The following DTHD1 variants were observed in gnomAD, a reference collection of about 807,000 sequenced individuals.
The protein encoded by DTHD1 is death domain containing 1, also known as death domain-containing protein 1.
A neutral mutation model predicts 74.8 loss-of-function variants in DTHD1; 59 were observed. The observed-to-expected ratio is 0.79, with a 90% confidence interval of 0.64 to 0.98. The LOEUF (loss-of-function observed/expected upper bound fraction) is 0.98, where lower values mean the gene tolerates loss of function less well. Ranked by LOEUF, DTHD1 falls within the 50% of genes least tolerant of loss-of-function variation. The probability of loss-of-function intolerance (pLI) is 0.00; values close to 1 mark genes in which losing one functional copy is unlikely to be tolerated. For missense variants in DTHD1, 1,051 were observed against 1,065.4 expected (o/e 0.99, Z 0.19); for synonymous variants, 365 against 371.1 (o/e 0.98, Z 0.19).
intron 8 of DTHD1, among the ~76,000 whole-genome samples, chr4:36,335,497 G>T (rs1259770927): frequency 6.6e-6 from 1 of 152,094 alleles, no homozygotes; most frequent in Non-Finnish European, 1.5e-5. Flanking sequence ...AAGGTGCTGG[G>T]ATTATAAGCA....
At chr4:36,291,997 T>A (rs1379206353) in intron 3 of DTHD1, among the ~76,000 whole-genome samples, 1 of 152,184 alleles carries the variant, frequency 6.6e-6, no homozygotes, top group Non-Finnish European at 1.5e-5. Flanking sequence ...AAAAAATTCA[T>A]ATATACATGG....
intron 8 of DTHD1, among the ~76,000 whole-genome samples, chr4:36,329,725 A>G (rs939201442): frequency 1.3e-5 from 2 of 152,216 alleles, no homozygotes; most frequent in Non-Finnish European, 2.9e-5. Context: ...CGAAACAGTG[A>G]AACAATGTTC....
At chr4:36,297,251 C>A (rs543607922) in intron 5 of DTHD1, among the ~76,000 whole-genome samples, 1 of 152,162 alleles carries the variant, frequency 6.6e-6, no homozygotes, top group African/African-American at 2.4e-5. Flanking sequence ...TGTTCAAGGG[C>A]CAACTGTATT....
intron 8 of DTHD1, among the ~76,000 whole-genome samples, chr4:36,316,813 C>T (rs1449340496): frequency 6.6e-6 from 1 of 152,162 alleles, no homozygotes; most frequent in Non-Finnish European, 1.5e-5. Context: ...AAATACATTA[C>T]AGAGCACATC....
intron 7 of DTHD1, among the ~76,000 whole-genome samples, chr4:36,309,169 C>T (rs536636994): frequency 6.6e-6 from 1 of 152,346 alleles, no homozygotes; most frequent in East Asian, 1.9e-4. Context: ...GGGTGTGTGG[C>T]TCACGCCTGT....
chr4:36,307,961 T>C (rs1471926131), intron 6 of DTHD1, among the ~76,000 whole-genome samples: 3 of 152,186 alleles, frequency 2.0e-5, no homozygotes, highest in Admixed American at 6.5e-5. Flanking sequence ...CCACCCTCCA[T>C]GGCCTCCCAA....
At chr4:36,305,319 T>G (rs1756978360) in intron 5 of DTHD1, among the ~76,000 whole-genome samples, 1 of 152,162 alleles carries the variant, frequency 6.6e-6, no homozygotes, top group Non-Finnish European at 1.5e-5. Flanking sequence ...CACAGTTCCA[T>G]GTGGCTGGGG....
chr4:36,312,420 GAAGA>G (rs1333184136), intron 7 of DTHD1, among the ~76,000 whole-genome samples: 1 of 151,934 alleles, frequency 6.6e-6, no homozygotes, highest in Non-Finnish European at 1.5e-5. Context: ...AAAGTCTAAT[GAAGA>G]AAGACAGAGA....
intron 5 of DTHD1, 23 bp from the exon 6 acceptor site, chr4:36,306,168 T>G (rs1435716891): frequency 1.2e-5 from 19 of 1,536,084 alleles, no homozygotes; most frequent in Non-Finnish European, 1.7e-5. Flanking sequence ...TGTACCAATA[T>G]CTCTTCTGTT....
At position 36,284,266 on chromosome 4, in the gene DTHD1, T is replaced by A. The variant is rs1362183774; in HGVS notation, c.562T>A (p.Leu188Ile). The change falls in exon 2 of 10, where the codon TTA (leucine) becomes ATA (isoleucine). Residue 188 changes from leucine (L) to isoleucine (I), a missense_variant. By Grantham distance (5) the Leu-to-Ile change is conservative (BLOSUM62 2). Coordinates refer to ENST00000639862, the MANE Select transcript of DTHD1 (RefSeq NM_001170700.3). ...EKNKTHMSSA[L>I]VEKENNTSLN... ...AAATAAAACACATATGAGTTCAGCATTAGTGGAAAAAGAAAACAATACATC... is the reference window on the plus strand; with the variant it reads ...AAATAAAACACATATGAGTTCAGCAATAGTGGAAAAAGAAAACAATACATC... The A allele has an allele frequency of 1.8e-5, 27 of 1,537,092 alleles. No individual in the cohort carries two copies. The highest frequency in any genetic ancestry group is 1.7e-6 in the Non-Finnish European group (2 of 1,146,840).
chr4:36,309,032 A>T (rs1052390400), intron 7 of DTHD1, among the ~76,000 whole-genome samples: 3 of 152,180 alleles, frequency 2.0e-5, no homozygotes, highest in African/African-American at 7.2e-5. Flanking sequence ...TATTATTGCT[A>T]TATTTTTTAT....
chr4:36,282,854 G>A (rs1316467458), intron 1 of DTHD1, among the ~76,000 whole-genome samples: 1 of 152,162 alleles, frequency 6.6e-6, no homozygotes, highest in African/African-American at 2.4e-5. Flanking sequence ...GCCATCAGCT[G>A]CAGCCCACAA....
rs1304808677 is a variant in DTHD1, at chr4:36,293,679, A to C, written c.1372A>C (p.Thr458Pro). 16 of 1,537,732 alleles carry C rather than the reference A, an allele frequency of 1.0e-5. No individual in the cohort carries two copies. Among genetic ancestry groups the C allele is most frequent in the Non-Finnish European group, 1.4e-5 (16 of 1,138,010 alleles). ...CTTAAATTACCCTCCAGGAGTTTTT[A>C]CCTCTCCAGTGCTGGTGCAGTTAAA... ...ISLNYPPGVF[T>P]SPVLVQLKIQ... Residue 458 changes from threonine (T) to proline (P), a missense_variant, in exon 4 of 10, where the codon ACC (threonine) becomes CCC (proline). By Grantham distance (38) the Thr-to-Pro change is conservative (BLOSUM62 -1). Coordinates refer to ENST00000639862, the MANE Select transcript of DTHD1 (RefSeq NM_001170700.3).
chr4:36,312,439 G>A (rs1178564611), intron 7 of DTHD1, among the ~76,000 whole-genome samples: 1 of 151,922 alleles, frequency 6.6e-6, no homozygotes, highest in Non-Finnish European at 1.5e-5. Flanking sequence ...CAGAGAATAA[G>A]CAAATAAGTA....
At chr4:36,343,116 C>T (rs979107453) in intron 9 of DTHD1, among the ~76,000 whole-genome samples, 2 of 139,604 alleles carry the variant, frequency 1.4e-5, no homozygotes, top group African/African-American at 6.3e-5. Context: ...CAGTGCTACT[C>T]AAAGCATGGT....
chr4:36,311,116 C>T (rs1159380227), intron 7 of DTHD1: 1 of 152,256 alleles, frequency 6.6e-6, no homozygotes, highest in Non-Finnish European at 1.5e-5. Flanking sequence ...ATCCCACTGC[C>T]TGTTGTGGAG....
chr4:36,292,959 G>T (rs975370480), intron 3 of DTHD1, among the ~76,000 whole-genome samples: 1 of 152,164 alleles, frequency 6.6e-6, no homozygotes, highest in Non-Finnish European at 1.5e-5. Context: ...TGTATAAAAA[G>T]AAACACAAAT....
intron 3 of DTHD1, among the ~76,000 whole-genome samples, chr4:36,291,181 G>A (rs903738251): frequency 4.6e-5 from 7 of 152,198 alleles, no homozygotes; most frequent in African/African-American, 1.7e-4. Flanking sequence ...ATGAAATTTA[G>A]TCTACACATG....
intron 3 of DTHD1, among the ~76,000 whole-genome samples, chr4:36,292,112 AG>A (rs2109457729): frequency 6.6e-6 from 1 of 152,282 alleles, no homozygotes; most frequent in South Asian, 2.1e-4. Flanking sequence ...TACTTATTTC[AG>A]TTCCTGCAAC....
Sources: allele counts gnomAD v4.1 joint callset (sites outside exome capture counted in the v4.1 genomes callset), GRCh38; gene constraint gnomAD v4.1.1; transcripts MANE v1.5; gene names NCBI Gene and HGNC (gene_info 2026-07-23, HGNC 2026-07-21).